Variants in C12orf42 observed in about 807,000 individuals in gnomAD.
C12orf42 encodes the protein uncharacterized protein C12orf42.
In C12orf42, 25 loss-of-function variants were observed where a neutral mutation model predicts 21.6. The observed-to-expected ratio is 1.16, with a 90% CI of 0.84 to 1.62. The LOEUF (loss-of-function observed/expected upper bound fraction) is 1.62, where lower values mean the gene tolerates loss of function less well. C12orf42 is among the 40% of genes most tolerant of loss of function. The probability of loss-of-function intolerance (pLI) is 0.00; values close to 1 mark genes in which losing one functional copy is unlikely to be tolerated. For synonymous variants in C12orf42, 174 were observed against 175.0 expected, an observed-to-expected ratio of 0.99 and a Z score of 0.05; for missense variants, 483 against 459.3, an observed-to-expected ratio of 1.05 and a Z score of -0.47.
chr12:103,262,019 T>C (rs2034923742), intron 10 of C12orf42, among the ~76,000 whole-genome samples: 1 of 152,234 alleles, frequency 6.6e-6, no homozygotes. Flanking sequence ...TGTCATGAGT[T>C]ATTTTTAAAA....
In C12orf42 at chr12:103,306,135, GCTCCTCTGGCTCTCTCCTCAGTTT is replaced by G. The variant is rs1437845829; in HGVS notation, c.446_469del (p.Glu149_Gly156del). 6.2e-6 allele frequency: 10 copies of G among 1,613,814 alleles called. No homozygotes were observed. Among genetic ancestry groups the G allele is most frequent in the African/African-American group, 5.3e-5 (4 of 74,920 alleles). ...TGAACTGTTCCAAGCCTGCTTGGGT[GCTCCTCTGGCTCTCTCCTCAGTTT>G]CTCCTCTGGCAGTAAAAATCAATGG... On this transcript the variant is annotated inframe_deletion, in exon 5 of 6. Coordinates refer to ENST00000548883, the MANE Select transcript of C12orf42 (RefSeq NM_198521.5).
the C12orf42 span, among the ~76,000 whole-genome samples, chr12:103,070,815 A>G: frequency 6.6e-6 from 1 of 152,278 alleles, no homozygotes; most frequent in Non-Finnish European, 1.5e-5. Flanking sequence ...AATATGGGTA[A>G]CTTCTCAAGG....
chr12:103,425,507 CT>C (rs1190223138), intron 2 of C12orf42, among the ~76,000 whole-genome samples: 2 of 152,234 alleles, frequency 1.3e-5, no homozygotes, highest in African/African-American at 4.8e-5. Flanking sequence ...GCAATCTTTG[CT>C]GTTCTGCAGC....
At chr12:103,353,911 T>C (rs1240663244) in intron 4 of C12orf42, among the ~76,000 whole-genome samples, 4 of 152,120 alleles carry the variant, frequency 2.6e-5, no homozygotes, top group Non-Finnish European at 5.9e-5. Flanking sequence ...ATGGGAGACT[T>C]TGGATATGCC....
downstream of C12orf42, among the ~76,000 whole-genome samples, chr12:103,266,335 A>G (rs939817194): frequency 6.6e-6 from 1 of 152,164 alleles, no homozygotes; most frequent in Non-Finnish European, 1.5e-5. Context: ...TAGAAAGTGG[A>G]TGGCCCAGCC....
At chr12:103,200,767 T>A in the C12orf42 span, among the ~76,000 whole-genome samples, 1 of 152,238 alleles carries the variant, frequency 6.6e-6, no homozygotes, top group African/African-American at 2.4e-5. Flanking sequence ...CAACTAAATA[T>A]AACTAAGTTT....
the C12orf42 span, among the ~76,000 whole-genome samples, chr12:103,171,262 C>A: frequency 6.6e-6 from 1 of 152,090 alleles, no homozygotes; most frequent in Admixed American, 6.6e-5. Flanking sequence ...TATATAAACA[C>A]CTCGGTATAT....
chr12:103,553,828 G>T, the C12orf42 span, among the ~76,000 whole-genome samples: 1 of 152,152 alleles, frequency 6.6e-6, no homozygotes, highest in African/African-American at 2.4e-5. Context: ...TTCTAGGGAA[G>T]TCACTTTCCC....
At chr12:103,053,646 C>T in the C12orf42 span, among the ~76,000 whole-genome samples, 12 of 151,762 alleles carry the variant, frequency 7.9e-5, no homozygotes, top group East Asian at 1.9e-4. Flanking sequence ...ATTGTGTTTG[C>T]GATGTTAATC....
intron 3 of C12orf42, among the ~76,000 whole-genome samples, chr12:103,399,053 T>C (rs2047766625): frequency 6.6e-6 from 1 of 152,120 alleles, no homozygotes; most frequent in Admixed American, 6.5e-5. Context: ...CTCTTTTGTA[T>C]CCTTAAATAA....
chr12:103,310,889 CTTAA>C (rs1160424160), intron 4 of C12orf42, among the ~76,000 whole-genome samples: 1 of 152,212 alleles, frequency 6.6e-6, no homozygotes, highest in Non-Finnish European at 1.5e-5. Context: ...ATCTCTTGAT[CTTAA>C]AGGAAAACAA....
the C12orf42 span, among the ~76,000 whole-genome samples, chr12:103,141,944 G>A: frequency 6.6e-6 from 1 of 152,084 alleles, no homozygotes; most frequent in Admixed American, 6.6e-5. Context: ...GTAATAAAAT[G>A]TTGGGGAAAG....
At chr12:103,228,810 C>T in the C12orf42 span, among the ~76,000 whole-genome samples, 1 of 151,494 alleles carries the variant, frequency 6.6e-6, no homozygotes, top group Non-Finnish European at 1.5e-5. Flanking sequence ...CACATCAAGC[C>T]ACTAATATAA....
intron 3 of C12orf42, among the ~76,000 whole-genome samples, chr12:103,386,204 C>T (rs1303491715): frequency 7.2e-5 from 11 of 152,126 alleles, no homozygotes; most frequent in Non-Finnish European, 1.5e-4. Flanking sequence ...CTGTCTGATC[C>T]TAGGGTCTGT....
At chr12:103,165,723 T>A in the C12orf42 span, among the ~76,000 whole-genome samples, 162 of 152,262 alleles carry the variant, frequency 1.1e-3, 2 homozygotes, top group East Asian at 0.028. Context: ...AAGCTTATAA[T>A]CTGAAGACAT....
At chr12:103,530,627 G>GGC in the C12orf42 span, among the ~76,000 whole-genome samples, 149 of 103,482 alleles carry the variant, frequency 1.4e-3, no homozygotes, top group Non-Finnish European at 2.7e-3. Flanking sequence ...GCAAGTGTTC[G>GGC]GGGGGGGAAA....
chr12:103,049,721 G>A, the C12orf42 span, among the ~76,000 whole-genome samples: 1 of 151,924 alleles, frequency 6.6e-6, no homozygotes, highest in Non-Finnish European at 1.5e-5. Flanking sequence ...GCTGACCCTG[G>A]GACACACAAG....
At chr12:103,182,998 C>G in the C12orf42 span, among the ~76,000 whole-genome samples, 3 of 152,178 alleles carry the variant, frequency 2.0e-5, no homozygotes, top group African/African-American at 4.8e-5. Context: ...ACAAGGGTGC[C>G]CTTTTATAAT....
At chr12:103,523,391 T>A in the C12orf42 span, among the ~76,000 whole-genome samples, 1 of 152,052 alleles carries the variant, frequency 6.6e-6, no homozygotes, top group Admixed American at 6.5e-5. Flanking sequence ...ATGTCTTCTC[T>A]ATCAATAATA....
Sources: allele counts gnomAD v4.1 joint callset (sites outside exome capture counted in the v4.1 genomes callset), GRCh38; gene constraint gnomAD v4.1.1; transcripts MANE v1.5; gene names NCBI Gene and HGNC (gene_info 2026-07-23, HGNC 2026-07-21).